HECTD4: variants seen among roughly 807,000 people sequenced by gnomAD.
The protein encoded by HECTD4 is probable E3 ubiquitin-protein ligase HECTD4.
HECTD4 carries 114 observed loss-of-function variants against 471.5 expected under a neutral mutation model. The observed-to-expected ratio is 0.24, with a 90% CI of 0.21 to 0.28. The LOEUF is 0.28. Among genes scored for constraint, HECTD4 ranks in the 10% least tolerant of loss-of-function variants. The pLI, the probability that HECTD4 is intolerant of heterozygous loss-of-function variation, is 1.00. For synonymous variants in HECTD4, 2,012 were observed against 2,256.0 expected (o/e 0.89, Z 3.07); for missense variants, 3,866 against 5,651.5 (o/e 0.68, Z 10.13).
chr12:112,187,831 T>C (rs987735883), intron 60 of HECTD4, among the ~76,000 whole-genome samples: 2 of 147,878 alleles, frequency 1.4e-5, no homozygotes, highest in African/African-American at 5.0e-5. Context: ...TTTCACTGTG[T>C]TAGCCAGGAT....
intron 37 of HECTD4, among the ~76,000 whole-genome samples, chr12:112,233,478 C>T (rs1401015895): frequency 6.6e-6 from 1 of 152,056 alleles, no homozygotes; most frequent in African/African-American, 2.4e-5. Flanking sequence ...CTGCCTTGGA[C>T]TCCTAAAGCA....
intron 49 of HECTD4, among the ~76,000 whole-genome samples, chr12:112,211,124 G>A (rs959924210): frequency 2.6e-5 from 4 of 152,124 alleles, no homozygotes; most frequent in African/African-American, 9.7e-5. Context: ...GGCCGAGGTG[G>A]GCGGATCATG....
intron 1 of HECTD4, among the ~76,000 whole-genome samples, chr12:112,376,520 A>C (rs554138062): frequency 3.9e-5 from 6 of 152,304 alleles, no homozygotes; most frequent in Non-Finnish European, 7.4e-5. Flanking sequence ...TGCTGGGATT[A>C]CAGGCATGAG....
At position 112,312,597 on chromosome 12, in the gene HECTD4, T is replaced by G. The variant is rs79594153; in HGVS notation, c.916+420A>C. Among the ~76,000 whole-genome samples, 1,482 of 152,342 alleles carry G rather than the reference T, an allele frequency of 9.7e-3. 25 individuals carry two copies. Among genetic ancestry groups the G allele is most frequent in the African/African-American group, 0.034 (1,410 of 41,574 alleles). On this transcript the variant is annotated intron_variant, in intron 4 of 75. Coordinates refer to ENST00000682272, the MANE Select transcript of HECTD4 (RefSeq NM_001388303.1). The stretch of plus-strand genomic sequence containing the variant: ...AACAATTCATGCTCCCTTGAACCTC[T>G]TCATTTTTTGCTTTTAGGACAGGAG...
At chr12:112,225,810 T>C (rs1593950768) in intron 44 of HECTD4, among the ~76,000 whole-genome samples, 2 of 152,170 alleles carry the variant, frequency 1.3e-5, no homozygotes, top group East Asian at 3.8e-4. Flanking sequence ...CACATATTTT[T>C]AGAGACAGGG....
intron 1 of HECTD4, among the ~76,000 whole-genome samples, chr12:112,356,467 G>T (rs539953776): frequency 6.6e-6 from 1 of 152,150 alleles, no homozygotes; most frequent in South Asian, 2.1e-4. Flanking sequence ...GAAAGACAGG[G>T]TTGGGCTGTC....
intron 52 of HECTD4, among the ~76,000 whole-genome samples, chr12:112,206,002 T>C (rs1183097790): frequency 1.3e-5 from 2 of 152,214 alleles, no homozygotes; most frequent in Non-Finnish European, 2.9e-5. Flanking sequence ...TATCCACTTA[T>C]TGAGATTGCT....
chr12:112,321,292 A>G (rs1188884153), intron 1 of HECTD4, among the ~76,000 whole-genome samples: 1 of 152,220 alleles, frequency 6.6e-6, no homozygotes, highest in Non-Finnish European at 1.5e-5. Flanking sequence ...TAAAACCATT[A>G]TATCTTCTAT....
rs769521049 is a variant in HECTD4 at position 112,172,770 on chromosome 12, G to C, written c.11686C>G (p.Leu3896Val). ...GGTGTGATGGCGAGGTGGCGGCATAGCTGGTTGATGTACTGCACAAGTGCC... is the reference window on the plus strand; with the variant it reads ...GGTGTGATGGCGAGGTGGCGGCATACCTGGTTGATGTACTGCACAAGTGCC... ...DVALVQYINQ[L>V]CRHLAITPAR... is the part of the protein sequence containing the mutation. The change falls in exon 67 of 76, where the codon CTA becomes GTA. Residue 3896 changes from leucine to valine, a missense_variant. Physicochemically the swap from Leu to Val is conservative, Grantham distance 32. Transcript: ENST00000682272. 1 of 1,613,998 alleles carries C rather than the reference G, an allele frequency of 6.2e-7. No individual in the cohort carries two copies. The highest frequency in any genetic ancestry group is 1.7e-5 in the Admixed American group (1 of 60,030).
rs1264837919 is a variant in HECTD4, at chr12:112,239,839, G to A, written c.5105+42C>T. On this transcript the variant is annotated intron_variant, in intron 33 of 75. Transcript: ENST00000682272. This position sits in a 1 kb window ranked among gnomAD's most constrained non-coding sequence, Gnocchi z 4.9. ...ATACTTTCACTTAATCGACTATACT[G>A]CAGGGTAACTTACATACAACAAAAG... The A allele has an allele frequency of 3.9e-6, 6 of 1,554,712 alleles. No individual in the cohort carries two copies. In the African/African-American group the frequency reaches 6.8e-5, roughly 18 times the overall value.
intron 55 of HECTD4, among the ~76,000 whole-genome samples, chr12:112,195,582 G>A (rs1171440560): frequency 6.6e-6 from 1 of 152,178 alleles, no homozygotes; most frequent in Non-Finnish European, 1.5e-5. Context: ...ATAGATTGGT[G>A]GTTGTCAGGA....
At chr12:112,320,228 G>C (rs2035556554) in intron 1 of HECTD4, among the ~76,000 whole-genome samples, 1 of 151,966 alleles carries the variant, frequency 6.6e-6, no homozygotes, top group South Asian at 2.1e-4. Flanking sequence ...GCGGCTACTT[G>C]GGAGACTGAG....
chr12:112,334,123 C>T (rs1228001728), intron 1 of HECTD4, among the ~76,000 whole-genome samples: 10 of 151,686 alleles, frequency 6.6e-5, no homozygotes, highest in African/African-American at 1.7e-4. Context: ...GCAGGAGAAT[C>T]GCTTGAATCC....
intron 44 of HECTD4, among the ~76,000 whole-genome samples, chr12:112,221,029 G>A (rs2135554878): frequency 6.6e-6 from 1 of 152,102 alleles, no homozygotes; most frequent in East Asian, 1.9e-4. Context: ...TCGGCTCACT[G>A]CAACCTCTGC....
At chr12:112,214,876 G>A (rs993236225) in intron 48 of HECTD4, among the ~76,000 whole-genome samples, 14 of 152,114 alleles carry the variant, frequency 9.2e-5, no homozygotes, top group African/African-American at 2.7e-4. Flanking sequence ...GCCAGGGGCC[G>A]GGTGTGGTGG....
At chr12:112,364,418 A>T (rs558768377) in intron 1 of HECTD4, among the ~76,000 whole-genome samples, 384 of 151,818 alleles carry the variant, frequency 2.5e-3, no homozygotes, top group Middle Eastern at 6.8e-3. Context: ...CAAAAAAAAA[A>T]AAAAATAAAT....
chr12:112,335,379 G>C (rs2035934926), intron 1 of HECTD4, among the ~76,000 whole-genome samples: 1 of 152,202 alleles, frequency 6.6e-6, no homozygotes, highest in African/African-American at 2.4e-5. Flanking sequence ...GGACTCAGGG[G>C]GAAAAGGGTG....
Position 112,259,095 on chromosome 12 carries a change from C to A in HECTD4, c.3027+17G>T. ...TTGGCCAAAAAGCAGTTCACTTTGG[C>A]ACACCAAGGATCATACCTGGCTGGT... is the stretch of plus-strand genomic sequence containing the variant. On this transcript the variant is annotated intron_variant, in intron 19 of 75. Transcript: ENST00000682272. 6.3e-7 allele frequency: 1 copy of A among 1,582,266 alleles called. No individual in the cohort carries two copies. The highest frequency in any genetic ancestry group is 8.5e-7 in the Non-Finnish European group (1 of 1,169,868).
intron 32 of HECTD4, 133 bp from the exon 33 acceptor site, chr12:112,240,160 CTCAG>C: frequency 2.1e-6 from 2 of 947,666 alleles, no homozygotes; most frequent in Non-Finnish European, 3.1e-6. Context: ...GAACATCCAG[CTCAG>C]TGTTTCCTAG....
Sources: gnomAD v4.1 joint callset for allele counts (sites outside exome capture counted in the v4.1 genomes callset) on GRCh38, gnomAD v4.1.1 for gene constraint, Gnocchi (gnomAD v3.1) non-coding constraint, MANE v1.5 for transcripts, NCBI Gene and HGNC (gene_info 2026-07-23, HGNC 2026-07-21) for gene names.